The following GRIA1 variants were observed in gnomAD, a reference collection of about 807,000 sequenced individuals.
GRIA1 encodes the protein glutamate receptor 1.
Under a neutral mutation model 99.2 loss-of-function variants are expected in GRIA1, and 31 were observed. That is an observed-to-expected ratio of 0.31 (90% CI 0.23 to 0.42). The LOEUF is 0.42. Among genes scored for constraint, GRIA1 ranks in the 10% least tolerant of loss-of-function variants. The pLI, the probability that GRIA1 is intolerant of heterozygous loss-of-function variation, is 1.00. For synonymous variants in GRIA1, 438 were observed against 432.4 expected (o/e 1.01, Z -0.16); for missense variants, 782 against 1,157.5 (o/e 0.68, Z 4.71).
intron 2 of GRIA1, among the ~76,000 whole-genome samples, chr5:153,626,662 G>A (rs1767656540): frequency 6.6e-6 from 1 of 152,110 alleles, no homozygotes; most frequent in South Asian, 2.1e-4. Context: ...CAGTTAGAGT[G>A]GAGTGGAAAC....
chr5:153,536,886 G>A (rs761098541), intron 2 of GRIA1, among the ~76,000 whole-genome samples: 7 of 152,142 alleles, frequency 4.6e-5, no homozygotes, highest in Non-Finnish European at 8.8e-5. Flanking sequence ...CATCTTTGTG[G>A]TTAAAGTTTG....
At chr5:153,805,130 A>G (rs1010025648) in intron 15 of GRIA1, among the ~76,000 whole-genome samples, 3 of 90,226 alleles carry the variant, frequency 3.3e-5, no homozygotes, top group Admixed American at 2.3e-4. Context: ...GTATGAAATA[A>G]TGGATTATAA....
At chr5:153,665,637 C>T (rs915714430) in intron 5 of GRIA1, among the ~76,000 whole-genome samples, 10 of 152,160 alleles carry the variant, frequency 6.6e-5, no homozygotes, top group African/African-American at 1.4e-4. Flanking sequence ...CATATTCATG[C>T]GCACATACCT....
chr5:153,746,282 G>A (rs1045417869), intron 11 of GRIA1, among the ~76,000 whole-genome samples: 1 of 152,166 alleles, frequency 6.6e-6, no homozygotes, highest in East Asian at 1.9e-4. Flanking sequence ...TATGTGGGAG[G>A]GAGGGACTGA....
intron 13 of GRIA1, among the ~76,000 whole-genome samples, chr5:153,778,789 T>C (rs1379800146): frequency 6.6e-6 from 1 of 151,930 alleles, no homozygotes; most frequent in East Asian, 1.9e-4. Context: ...AAAGCTTTCT[T>C]TCTGCTCTAT....
chr5:153,605,684 G>A (rs1423999296), intron 2 of GRIA1, among the ~76,000 whole-genome samples: 2 of 152,132 alleles, frequency 1.3e-5, no homozygotes, highest in South Asian at 2.1e-4. Flanking sequence ...CTCCTGGTGG[G>A]GGTGTAGTGA....
intron 13 of GRIA1, among the ~76,000 whole-genome samples, chr5:153,789,038 T>C (rs1221825931): frequency 6.6e-6 from 1 of 152,226 alleles, no homozygotes; most frequent in African/African-American, 2.4e-5. Context: ...ACCCATAGTA[T>C]AATTTTCTCT....
chr5:153,653,688 C>A (rs1027282766), intron 4 of GRIA1, among the ~76,000 whole-genome samples: 2 of 152,134 alleles, frequency 1.3e-5, no homozygotes, highest in African/African-American at 2.4e-5. Flanking sequence ...TATATATTGA[C>A]CATCTGGCAC....
chr5:153,788,098 A>T (rs1581658126), intron 13 of GRIA1, among the ~76,000 whole-genome samples: 1 of 144,142 alleles, frequency 6.9e-6, no homozygotes, highest in Admixed American at 6.9e-5. Flanking sequence ...AAAAAAAAAA[A>T]TTAGTGCATC....
chr5:153,588,643 T>C (rs1763706042), intron 2 of GRIA1, among the ~76,000 whole-genome samples: 1 of 152,206 alleles, frequency 6.6e-6, no homozygotes, highest in African/African-American at 2.4e-5. Context: ...ACTTTTAAAT[T>C]GAAATTATAG....
chr5:153,579,336 C>A (rs114831181), intron 2 of GRIA1, among the ~76,000 whole-genome samples: 644 of 152,266 alleles, frequency 4.2e-3, no homozygotes, highest in Non-Finnish European at 7.6e-3. Context: ...CCAATGTATT[C>A]TCTATTTTTG....
At chr5:153,686,555 AT>A in intron 8 of GRIA1, among the ~76,000 whole-genome samples, 1 of 152,238 alleles carries the variant, frequency 6.6e-6, no homozygotes. Context: ...GTTTAAAAAA[AT>A]CTCTACATTT....
intron 11 of GRIA1, among the ~76,000 whole-genome samples, chr5:153,714,764 A>G (rs953271038): frequency 8.5e-5 from 13 of 152,234 alleles, no homozygotes; most frequent in African/African-American, 3.1e-4. Flanking sequence ...CCACCATCCA[A>G]CCGTGGTGAA....
intron 2 of GRIA1, among the ~76,000 whole-genome samples, chr5:153,526,944 C>T (rs1757654553): frequency 6.6e-6 from 1 of 152,162 alleles, no homozygotes; most frequent in Non-Finnish European, 1.5e-5. Context: ...GTTTGTGTGA[C>T]TAAGTGAGCC....
chr5:153,776,119 C>T lies in GRIA1; in HGVS notation c.2270+5704C>T, dbSNP rs140581353. On this transcript the variant is annotated intron_variant, in intron 13 of 15. Coordinates refer to ENST00000285900, the MANE Select transcript of GRIA1 (RefSeq NM_000827.4). ...TGGAGATTACCCTGGCGGTGGTTTGCGATACGCATCAGAGAGAGGAGGATC... is the reference window on the plus strand; with the variant it reads ...TGGAGATTACCCTGGCGGTGGTTTGTGATACGCATCAGAGAGAGGAGGATC... Among the ~76,000 whole-genome samples, 582 of 152,124 alleles carry T rather than the reference C, an allele frequency of 3.8e-3. 8 individuals are homozygous for T. Among genetic ancestry groups the T allele is most frequent in the African/African-American group, 0.013 (545 of 41,482 alleles).
At chr5:153,582,151 T>G (rs556695365) in intron 2 of GRIA1, among the ~76,000 whole-genome samples, 88 of 152,312 alleles carry the variant, frequency 5.8e-4, no homozygotes, top group South Asian at 1.5e-3. Context: ...AATGAATATT[T>G]GTTGGAGGAA....
intron 2 of GRIA1, among the ~76,000 whole-genome samples, chr5:153,575,901 T>C (rs1762491286): frequency 6.6e-6 from 1 of 152,212 alleles, no homozygotes; most frequent in Non-Finnish European, 1.5e-5. Context: ...TGACCTTGTA[T>C]ACAACAGGTT....
At chr5:153,669,164 A>T (rs1755968262) in intron 5 of GRIA1, among the ~76,000 whole-genome samples, 2 of 152,206 alleles carry the variant, frequency 1.3e-5, no homozygotes, top group African/African-American at 4.8e-5. Flanking sequence ...TTGTTTAAGT[A>T]ATTAAAGGAT....
chr5:153,627,514 T>G (rs1767745547), intron 2 of GRIA1, among the ~76,000 whole-genome samples: 1 of 152,128 alleles, frequency 6.6e-6, no homozygotes, highest in African/African-American at 2.4e-5. Flanking sequence ...AGAACAATTT[T>G]TTTCAGAGGA....
Sources: gnomAD v4.1 joint callset for allele counts (sites outside exome capture counted in the v4.1 genomes callset) on GRCh38, gnomAD v4.1.1 for gene constraint, MANE v1.5 for transcripts, NCBI Gene and HGNC (gene_info 2026-07-23, HGNC 2026-07-21) for gene names.